The following TMEM232 variants were observed in gnomAD, a reference collection of about 807,000 sequenced individuals.
TMEM232 encodes transmembrane protein 232.
In TMEM232, 80 loss-of-function variants were observed where a neutral mutation model predicts 78.8. The observed-to-expected ratio is 1.01, with a 90% confidence interval of 0.85 to 1.22. The LOEUF (loss-of-function observed/expected upper bound fraction) is 1.22. Ranked by LOEUF, TMEM232 falls within the 50% of genes most tolerant of loss-of-function variation. The pLI is 0.00. For missense variants in TMEM232, 881 were observed against 742.2 expected, an observed-to-expected ratio of 1.19 and a Z score of -2.17; for synonymous variants, 297 against 254.3, an observed-to-expected ratio of 1.17 and a Z score of -1.60.
At chr5:110,568,984 A>G (rs1776631421) in intron 10 of TMEM232, among the ~76,000 whole-genome samples, 1 of 151,914 alleles carries the variant, frequency 6.6e-6, no homozygotes, top group African/African-American at 2.4e-5. Context: ...ACCATGGTGA[A>G]TTTTTATAAT....
chr5:110,694,566 C>G (rs1374783767), intron 1 of TMEM232, among the ~76,000 whole-genome samples: 1 of 152,086 alleles, frequency 6.6e-6, no homozygotes. Flanking sequence ...ACCCATCTCA[C>G]GTGCAGAGAT....
At chr5:110,620,237 C>T (rs1783460301) in intron 7 of TMEM232, among the ~76,000 whole-genome samples, 1 of 152,160 alleles carries the variant, frequency 6.6e-6, no homozygotes. Context: ...CATACTATTA[C>T]AAGCTGGTCT....
chr5:110,508,458 T>C (rs1306173993), intron 12 of TMEM232, among the ~76,000 whole-genome samples: 1 of 151,252 alleles, frequency 6.6e-6, no homozygotes, highest in Admixed American at 6.6e-5. Flanking sequence ...TCTTGAGGGG[T>C]AATAAAGATA....
At chr5:110,633,913 T>A (rs1463752641) in intron 5 of TMEM232, among the ~76,000 whole-genome samples, 1 of 152,160 alleles carries the variant, frequency 6.6e-6, no homozygotes, top group Non-Finnish European at 1.5e-5. Flanking sequence ...GTTTAATACA[T>A]TTTTTACAAA....
chr5:110,400,255 G>A (rs551765141), intron 2 of TMEM232, among the ~76,000 whole-genome samples: 2 of 152,170 alleles, frequency 1.3e-5, no homozygotes, highest in South Asian at 2.1e-4. Context: ...TAAAACGTGC[G>A]ATATTGAGCC....
At chr5:110,732,321 C>T (rs946877664) in intron 2 of TMEM232, among the ~76,000 whole-genome samples, 4 of 152,188 alleles carry the variant, frequency 2.6e-5, no homozygotes, top group African/African-American at 4.8e-5. Flanking sequence ...GTTCCAAAGT[C>T]GCTTCCACAT....
chr5:110,416,065 T>C (rs17132087), downstream of TMEM232, among the ~76,000 whole-genome samples: 4,860 of 152,294 alleles, frequency 0.032, 265 homozygotes, highest in African/African-American at 0.11. Flanking sequence ...AGCAGAAAAG[T>C]AACTTAAGTC....
chr5:110,587,691 A>ATATATATATATG (rs1209205049), intron 10 of TMEM232, among the ~76,000 whole-genome samples: 43 of 63,114 alleles, frequency 6.8e-4, no homozygotes, highest in African/African-American at 2.8e-3. Context: ...ATATATATAT[A>ATATATATATATG]TGTGTGTGTG....
chr5:110,537,106 C>A (rs1347931127), intron 11 of TMEM232, among the ~76,000 whole-genome samples: 2 of 152,008 alleles, frequency 1.3e-5, no homozygotes, highest in Non-Finnish European at 2.9e-5. Flanking sequence ...ACTTGATAAA[C>A]CTTCCACTAT....
chr5:110,606,081 A>C, intron 9 of TMEM232, 83 bp downstream of exon 9: 1 of 1,356,198 alleles, frequency 7.4e-7, no homozygotes, highest in Non-Finnish European at 9.8e-7. Flanking sequence ...ATATGCGCTA[A>C]TACGATATAC....
chr5:110,607,697 T>C lies in TMEM232; in HGVS notation c.903-1410A>G, dbSNP rs1473309544. Among the ~76,000 whole-genome samples, 5 of 152,066 alleles carry C rather than the reference T, an allele frequency of 3.3e-5. No homozygotes were observed. The East Asian group carries it at 7.7e-4, about 24-fold the overall frequency. On this transcript the variant is annotated intron_variant, in intron 8 of 13. Transcript: ENST00000455884. ...CTTGGAATAGCCATACAGTGCAGAT[T>C]GGTTAATGAGCTAGAAAAGGAAGCA...
chr5:110,480,736 A>C (rs1237769396), intron 12 of TMEM232, among the ~76,000 whole-genome samples: 1 of 152,080 alleles, frequency 6.6e-6, no homozygotes, highest in Non-Finnish European at 1.5e-5. Flanking sequence ...GTGAATAGTG[A>C]GGGCATAAAA....
chr5:110,614,457 A>C lies in TMEM232; in HGVS notation c.902+3972T>G, dbSNP rs1408385530. ...CATTTATAAAATACTAAGTATTTAA[A>C]AAAACTGGTTCATTAATGTTTGCAA... is the stretch of plus-strand genomic sequence containing the variant. On this transcript the variant is annotated intron_variant, in intron 8 of 13. Transcript: ENST00000455884. Among the ~76,000 whole-genome samples, 5 of 152,170 alleles carry C rather than the reference A, an allele frequency of 3.3e-5. 1 individual carries two copies. Among genetic ancestry groups the C allele is most frequent in the Admixed American group, 6.6e-5 (1 of 15,264 alleles).
intron 10 of TMEM232, among the ~76,000 whole-genome samples, chr5:110,590,652 G>T (rs1222653692): frequency 6.6e-6 from 1 of 151,916 alleles, no homozygotes; most frequent in Admixed American, 6.6e-5. Context: ...TAAGATCAAA[G>T]GAAAACATCT....
At chr5:110,419,168 T>A (rs79497254), downstream of TMEM232, among the ~76,000 whole-genome samples, 8 of 84,234 alleles carry the variant, frequency 9.5e-5, no homozygotes, top group Admixed American at 3.7e-4. Flanking sequence ...CTTCTATAGA[T>A]TTTTTTTTTT....
chr5:110,548,762 A>G (rs1267474361), intron 11 of TMEM232, among the ~76,000 whole-genome samples: 1 of 152,140 alleles, frequency 6.6e-6, no homozygotes, highest in Non-Finnish European at 1.5e-5. Flanking sequence ...AGAGACATAC[A>G]TATAAGAATT....
intron 11 of TMEM232, among the ~76,000 whole-genome samples, chr5:110,549,591 G>A (rs375008453): frequency 7.5e-5 from 9 of 120,440 alleles, no homozygotes; most frequent in South Asian, 5.6e-4. Flanking sequence ...AGGCAACAGC[G>A]CAAGTCCCTG....
At chr5:110,626,673 A>G (rs1161697087) in intron 6 of TMEM232, among the ~76,000 whole-genome samples, 1 of 152,080 alleles carries the variant, frequency 6.6e-6, no homozygotes, top group African/African-American at 2.4e-5. Flanking sequence ...TTTTTGCCTT[A>G]TGCTTAAATT....
At chr5:110,541,723 ACC>A (rs1773143641) in intron 11 of TMEM232, among the ~76,000 whole-genome samples, 1 of 152,102 alleles carries the variant, frequency 6.6e-6, no homozygotes, top group Admixed American at 6.6e-5. Context: ...GATCCATAAT[ACC>A]CCTAGAGCAA....
Sources: gnomAD v4.1 joint callset for allele counts (sites outside exome capture counted in the v4.1 genomes callset) on GRCh38, gnomAD v4.1.1 for gene constraint, MANE v1.5 for transcripts, NCBI Gene and HGNC (gene_info 2026-07-23, HGNC 2026-07-21) for gene names.